The following DYNC1LI2 variants were observed in gnomAD, a reference collection of about 807,000 sequenced individuals.
DYNC1LI2 encodes cytoplasmic dynein 1 light intermediate chain 2.
In DYNC1LI2, 19 loss-of-function variants were observed where a neutral mutation model predicts 57.8. The observed-to-expected ratio is 0.33, with a 90% CI of 0.23 to 0.48. The LOEUF (loss-of-function observed/expected upper bound fraction) is 0.48, where lower values mean the gene tolerates loss of function less well. DYNC1LI2 is among the 20% of genes least tolerant of loss of function. The probability of loss-of-function intolerance (pLI) is 0.99; values close to 1 mark genes in which losing one functional copy is unlikely to be tolerated. For missense variants in DYNC1LI2, 470 were observed against 604.2 expected, an observed-to-expected ratio of 0.78 and a Z score of 2.33; for synonymous variants, 256 against 233.4, an observed-to-expected ratio of 1.10 and a Z score of -0.88.
chr16:66,741,578 G>A (rs981840645), intron 4 of DYNC1LI2, among the ~76,000 whole-genome samples: 15 of 152,104 alleles, frequency 9.9e-5, no homozygotes, highest in African/African-American at 2.2e-4. Flanking sequence ...TGAAGATCCC[G>A]TGTGCCATGC....
chr16:66,728,470 G>A (rs991083031), intron 9 of DYNC1LI2, among the ~76,000 whole-genome samples: 2 of 152,190 alleles, frequency 1.3e-5, no homozygotes, highest in Non-Finnish European at 2.9e-5. Flanking sequence ...GCAAAGGACA[G>A]AAAGGAAAAA....
intron 4 of DYNC1LI2, among the ~76,000 whole-genome samples, chr16:66,742,028 G>A (rs1027670086): frequency 6.6e-6 from 1 of 152,050 alleles, no homozygotes; most frequent in African/African-American, 2.4e-5. Flanking sequence ...CCAACACGAG[G>A]GTCCATAGGG....
intron 4 of DYNC1LI2, among the ~76,000 whole-genome samples, chr16:66,738,681 C>T (rs952703123): frequency 6.6e-6 from 1 of 151,892 alleles, no homozygotes; most frequent in African/African-American, 2.4e-5. Context: ...TCAAGACCAG[C>T]CTGGCCAACA....
At chr16:66,732,154 G>C in intron 7 of DYNC1LI2, 185 bp downstream of exon 7, 1 of 787,742 alleles carries the variant, frequency 1.3e-6, no homozygotes, top group Non-Finnish European at 1.9e-6. Flanking sequence ...CAGCACCCCT[G>C]ACCACACCAC....
At position 66,734,277 on chromosome 16, in the gene DYNC1LI2, T is replaced by C; in HGVS notation, c.734A>G (p.Asp245Gly). The C allele has an allele frequency of 6.2e-7, 1 of 1,614,132 alleles. No individual in the cohort carries two copies. Among genetic ancestry groups the C allele is most frequent in the Non-Finnish European group, 8.5e-7 (1 of 1,180,028 alleles). The change falls in exon 6 of 13, where the codon GAT becomes GGT. Residue 245 changes from aspartate to glycine, a missense_variant. By Grantham distance (94) the Asp-to-Gly change is moderately conservative. Transcript: ENST00000258198. Reference protein sequence around the residue: ...DAVSVLEKEHDYRDEHLDFIQ... With the variant: ...DAVSVLEKEHGYRDEHLDFIQ... ...AAAGTCCAAATGCTCATCCCTGTAA[T>C]CGTGCTCCTTCTCCAGGACACTCAC...
chr16:66,745,049 C>T (rs1167412098), intron 3 of DYNC1LI2, among the ~76,000 whole-genome samples: 1 of 151,990 alleles, frequency 6.6e-6, no homozygotes, highest in Non-Finnish European at 1.5e-5. Flanking sequence ...GCTGGGATTA[C>T]AGGAGTGCAC....
At chr16:66,728,312 T>C in intron 9 of DYNC1LI2, 70 bp from the exon 10 acceptor site, 1 of 1,562,250 alleles carries the variant, frequency 6.4e-7, no homozygotes, top group Non-Finnish European at 8.8e-7. Flanking sequence ...AGAGAAAAAC[T>C]TACTCCAAGT....
At chr16:66,729,989 C>T (rs2017606706) in intron 8 of DYNC1LI2, 123 bp downstream of exon 8, 2 of 696,094 alleles carry the variant, frequency 2.9e-6, no homozygotes, top group Non-Finnish European at 4.6e-6. Flanking sequence ...CCATGTTCGC[C>T]AGGCTGGTCT....
intron 4 of DYNC1LI2, 65 bp downstream of exon 4, chr16:66,742,373 A>G: frequency 6.6e-7 from 1 of 1,512,358 alleles, no homozygotes; most frequent in Non-Finnish European, 9.0e-7. Flanking sequence ...GGGAAAAGGA[A>G]AGTGATTCAA....
rs2017477160 is a variant in DYNC1LI2 at position 66,723,134 on chromosome 16, T to A, written c.*588A>T. 1 of 343,054 alleles carries A rather than the reference T, an allele frequency of 2.9e-6. No homozygotes were observed. Among genetic ancestry groups the A allele is most frequent in the Non-Finnish European group, 5.8e-6 (1 of 171,804 alleles). The allele number at this position is 343,054 out of a possible 1,614,324, so 21.3% of individuals were successfully genotyped here. ...ATTCAAAATAAGCCTAATTCCCATT[T>A]TGCTTAGTGTTTTGTTTGGAAATGC... On this transcript the variant is annotated 3_prime_UTR_variant, in exon 13 of 13. Transcript: ENST00000258198.
chr16:66,736,666 T>C (rs2017741097), intron 4 of DYNC1LI2, among the ~76,000 whole-genome samples: 1 of 152,172 alleles, frequency 6.6e-6, no homozygotes, highest in African/African-American at 2.4e-5. Flanking sequence ...CCCAGCTACT[T>C]TTTAAATTTT....
intron 10 of DYNC1LI2, 132 bp from the exon 11 acceptor site, chr16:66,727,937 T>C: frequency 1.1e-6 from 1 of 908,200 alleles, no homozygotes; most frequent in Non-Finnish European, 1.7e-6. Context: ...ATGCTCTCAA[T>C]TCAAGCCCTT....
chr16:66,731,852 T>A (rs1048769124), intron 7 of DYNC1LI2: 1 of 153,078 alleles, frequency 6.5e-6, no homozygotes, highest in African/African-American at 2.4e-5. Context: ...AAAACAGGTA[T>A]CCAAGTCTCT....
chr16:66,731,012 T>G (rs752118561), intron 7 of DYNC1LI2: 1 of 152,280 alleles, frequency 6.6e-6, no homozygotes, highest in Non-Finnish European at 1.5e-5. Flanking sequence ...TTCTACTCCA[T>G]AGCTCTATAA....
chr16:66,727,835 C>T, intron 10 of DYNC1LI2, 30 bp from the exon 11 acceptor site: 1 of 1,558,546 alleles, frequency 6.4e-7, no homozygotes, highest in Non-Finnish European at 8.7e-7. Context: ...AGGTCACACA[C>T]AGGCATAACA....
At chr16:66,750,240 G>T (rs1448000620) in intron 2 of DYNC1LI2, among the ~76,000 whole-genome samples, 2 of 152,148 alleles carry the variant, frequency 1.3e-5, no homozygotes, top group Non-Finnish European at 2.9e-5. Flanking sequence ...TAAGGGTCCG[G>T]TATTACCTAC....
rs1053161528 is a variant in DYNC1LI2 at position 66,747,912 on chromosome 16, T to C, written c.298+1285A>G. On this transcript the variant is annotated intron_variant, in intron 3 of 12. Transcript: ENST00000258198. ...GTGAATACACTTCATCTTTAGGTTA[T>C]ACAGATAACTTTTCTACCAAAAAAA... 3.9e-5 allele frequency among the ~76,000 whole-genome samples: 6 copies of C among 152,282 alleles called. No homozygotes were observed. In the East Asian group the frequency reaches 9.6e-4, roughly 24 times the overall value.
rs1053816840 is a variant in DYNC1LI2 at position 66,751,212 on chromosome 16, G to A, written c.181+61C>T. The A allele has an allele frequency of 3.2e-6, 5 of 1,561,374 alleles. No homozygotes were observed. Among genetic ancestry groups the A allele is most frequent in the South Asian group, 2.3e-5 (2 of 86,910 alleles). On this transcript the variant is annotated intron_variant, in intron 2 of 12. Coordinates refer to ENST00000258198, the MANE Select transcript of DYNC1LI2 (RefSeq NM_006141.3). The surrounding 1 kb of genome is among the most constrained non-coding windows in gnomAD (Gnocchi z 5.2). ...GAACGGGGAAGGCGGGGACCTGAGG[G>A]AGGGGCGCCCGCCTCGCCCACCCCA...
intron 3 of DYNC1LI2, among the ~76,000 whole-genome samples, chr16:66,744,617 T>A (rs941133813): frequency 6.6e-6 from 1 of 151,768 alleles, no homozygotes. Flanking sequence ...TCACTGCAAC[T>A]GCCGCCGCAA....
Sources: gnomAD v4.1 joint callset for allele counts (sites outside exome capture counted in the v4.1 genomes callset) on GRCh38, gnomAD v4.1.1 for gene constraint, Gnocchi (gnomAD v3.1) non-coding constraint, MANE v1.5 for transcripts, NCBI Gene and HGNC (gene_info 2026-07-23, HGNC 2026-07-21) for gene names.